Variants in PIK3C2G observed in about 807,000 individuals in gnomAD.
The protein encoded by PIK3C2G is phosphatidylinositol 3-kinase C2 domain-containing subunit gamma.
In PIK3C2G, 168 loss-of-function variants were observed where a neutral mutation model predicts 181.1. That is an observed-to-expected ratio of 0.93 (90% confidence interval 0.82 to 1.05). The LOEUF (loss-of-function observed/expected upper bound fraction) is 1.05, where lower values mean the gene tolerates loss of function less well. PIK3C2G is among the 50% of genes least tolerant of loss of function. The pLI, the probability that PIK3C2G is intolerant of heterozygous loss-of-function variation, is 0.00. For missense variants in PIK3C2G, 1,869 were observed against 1,732.8 expected (o/e 1.08, Z -1.40); for synonymous variants, 573 against 592.2 (o/e 0.97, Z 0.47).
At chr12:18,515,523 T>A (rs1052261842) in intron 24 of PIK3C2G, among the ~76,000 whole-genome samples, 1 of 152,060 alleles carries the variant, frequency 6.6e-6, no homozygotes, top group African/African-American at 2.4e-5. Context: ...TTGCCCATAA[T>A]AGTCTCTTCT....
At chr12:18,364,732 T>C (rs1198542098) in intron 12 of PIK3C2G, among the ~76,000 whole-genome samples, 3 of 152,198 alleles carry the variant, frequency 2.0e-5, no homozygotes, top group Non-Finnish European at 4.4e-5. Context: ...ACTTTGTCTC[T>C]ACTAAAAATA....
At chr12:18,712,705 C>A in the PIK3C2G span, 1 of 1,048,736 alleles carries the variant, frequency 9.5e-7, no homozygotes, top group Non-Finnish European at 1.4e-6. Flanking sequence ...ACATGGATTT[C>A]ACTGCCTACT....
the PIK3C2G span, chr12:18,696,202 T>C: frequency 6.2e-7 from 1 of 1,601,520 alleles, no homozygotes; most frequent in African/African-American, 1.3e-5. Flanking sequence ...TAGAAGAGTC[T>C]GCTCTTGTTG....
intron 8 of PIK3C2G, among the ~76,000 whole-genome samples, chr12:18,325,683 G>A (rs1267406468): frequency 6.7e-6 from 1 of 148,612 alleles, no homozygotes; most frequent in Non-Finnish European, 1.5e-5. Context: ...ACTCCAGCCT[G>A]GTGACAGAGC....
At chr12:18,300,116 TTCTTTA>T (rs985205160) in intron 5 of PIK3C2G, among the ~76,000 whole-genome samples, 1 of 151,988 alleles carries the variant, frequency 6.6e-6, no homozygotes, top group African/African-American at 2.4e-5. Context: ...GTGTTAGTTC[TTCTTTA>T]TAAGTTTGGT....
At chr12:18,609,391 A>G in intron 30 of PIK3C2G, 144 bp from the exon 31 acceptor site, 1 of 540,836 alleles carries the variant, frequency 1.8e-6, no homozygotes, top group Non-Finnish European at 3.3e-6. Context: ...TGCCTCCTGA[A>G]GAGCATTAAG....
At chr12:18,570,336 G>GATATAGA (rs1555132238) in intron 29 of PIK3C2G, among the ~76,000 whole-genome samples, 6 of 150,800 alleles carry the variant, frequency 4.0e-5, no homozygotes, top group African/African-American at 1.2e-4. Flanking sequence ...AGCCTCCCCA[G>GATATAGA]TAGCTGGGAT....
chr12:18,312,240 C>T (rs149946715), intron 5 of PIK3C2G, among the ~76,000 whole-genome samples: 1 of 152,254 alleles, frequency 6.6e-6, no homozygotes, highest in Non-Finnish European at 1.5e-5. Context: ...ACACACTAGA[C>T]ATCAAGTATA....
intron 10 of PIK3C2G, among the ~76,000 whole-genome samples, chr12:18,345,237 A>AG (rs141082142): frequency 0.16 from 24,530 of 151,996 alleles, 2,862 homozygotes; most frequent in African/African-American, 0.3. Context: ...GTTGGCCTCC[A>AG]AGTTTGATGA....
the PIK3C2G span, among the ~76,000 whole-genome samples, chr12:18,685,140 AGTT>A: frequency 3.9e-5 from 6 of 152,042 alleles, no homozygotes; most frequent in Non-Finnish European, 8.8e-5. Flanking sequence ...TTCCATACTT[AGTT>A]GTTAGACTGA....
chr12:18,322,518 A>G (rs780506411), intron 7 of PIK3C2G, among the ~76,000 whole-genome samples: 3 of 152,090 alleles, frequency 2.0e-5, no homozygotes, highest in Non-Finnish European at 2.9e-5. Flanking sequence ...ATATTTACAT[A>G]TATTATCTCA....
chr12:18,406,946 G>T (rs535355889), intron 16 of PIK3C2G, among the ~76,000 whole-genome samples: 1 of 152,100 alleles, frequency 6.6e-6, no homozygotes, highest in Non-Finnish European at 1.5e-5. Context: ...GTTATTTCCA[G>T]ATTTCACAGT....
At chr12:18,324,389 T>G (rs1951243433) in intron 7 of PIK3C2G, among the ~76,000 whole-genome samples, 1 of 152,166 alleles carries the variant, frequency 6.6e-6, no homozygotes, top group African/African-American at 2.4e-5. Context: ...ATGGTGTTTG[T>G]TTTAATGTTG....
intron 18 of PIK3C2G, among the ~76,000 whole-genome samples, chr12:18,427,500 T>TA (rs59178829): frequency 0.38 from 42,985 of 114,562 alleles, 7,771 homozygotes; most frequent in Admixed American, 0.45. Context: ...GAGACTCCAT[T>TA]AAAAAAAAAA....
intron 17 of PIK3C2G, among the ~76,000 whole-genome samples, chr12:18,422,870 G>A (rs11044097): frequency 0.24 from 35,744 of 151,892 alleles, 4,441 homozygotes; most frequent in Admixed American, 0.35. Flanking sequence ...AGTAGCACGT[G>A]AATGATAGAG....
chr12:18,545,621 AT>A (rs1416697168), intron 25 of PIK3C2G, among the ~76,000 whole-genome samples: 1 of 151,938 alleles, frequency 6.6e-6, no homozygotes, highest in East Asian at 1.9e-4. Context: ...TATAAACAAA[AT>A]ATCTTCCTGA....
In PIK3C2G at chr12:18,434,565, C is replaced by T. The variant is rs536866801; in HGVS notation, c.2504+10526C>T. Among the ~76,000 whole-genome samples, 7 of 152,260 alleles carry T rather than the reference C, an allele frequency of 4.6e-5. No individual in the cohort carries two copies. The South Asian group carries it at 6.2e-4, about 14-fold the overall frequency. ...GATGCTTTTAGATGCTAATAGCAGACATCACTTTTGTCTATATTCCGTAGG... is the reference window on the plus strand; with the variant it reads ...GATGCTTTTAGATGCTAATAGCAGATATCACTTTTGTCTATATTCCGTAGG... On this transcript the variant is annotated intron_variant, in intron 18 of 32. Coordinates refer to ENST00000538779, the MANE Select transcript of PIK3C2G (RefSeq NM_001288772.2).
rs1048839335 is a variant in PIK3C2G, at chr12:18,475,587, C to T, written c.2505-12862C>T. 3.9e-5 allele frequency among the ~76,000 whole-genome samples: 6 copies of T among 152,050 alleles called. No individual in the cohort carries two copies. The East Asian group carries it at 1.2e-3, about 29-fold the overall frequency. On this transcript the variant is annotated intron_variant, in intron 18 of 32. Transcript: ENST00000538779. ...ATTTAGTTATGCAATTATTTTTAAA[C>T]AGTAACAATTCCACCAAATTTTTCC...
chr12:18,572,721 C>T lies in PIK3C2G; in HGVS notation c.4011+5664C>T, dbSNP rs566769949. ...GGACTGTAATAACATATATGTTAAA[C>T]CTTTTCACTATATCCTTTATGCCTC... On this transcript the variant is annotated intron_variant, in intron 29 of 32. Transcript: ENST00000538779. Among the ~76,000 whole-genome samples the T allele has an allele frequency of 1.8e-4, 27 of 152,058 alleles. No homozygotes were observed. In the South Asian group the frequency reaches 5.6e-3, roughly 32 times the overall value.
Sources: gnomAD v4.1 joint callset for allele counts (sites outside exome capture counted in the v4.1 genomes callset) on GRCh38, gnomAD v4.1.1 for gene constraint, MANE v1.5 for transcripts, NCBI Gene and HGNC (gene_info 2026-07-23, HGNC 2026-07-21) for gene names.